The following INSC variants were observed in gnomAD, a reference collection of about 807,000 sequenced individuals.
The protein encoded by INSC is protein inscuteable homolog.
Under a neutral mutation model 58.6 loss-of-function variants are expected in INSC, and 67 were observed. The ratio of observed to expected loss-of-function variants is 1.14; its 90% confidence interval spans 0.94 to 1.40. The LOEUF (loss-of-function observed/expected upper bound fraction) is 1.40, where lower values mean the gene tolerates loss of function less well. INSC is among the 40% of genes most tolerant of loss of function. The pLI, the probability that INSC is intolerant of heterozygous loss-of-function variation, is 0.00. For synonymous variants in INSC, 262 were observed against 276.1 expected, an observed-to-expected ratio of 0.95 and a Z score of 0.51; for missense variants, 714 against 692.0, an observed-to-expected ratio of 1.03 and a Z score of -0.36.
At chr11:15,230,910 A>G (rs1395274966) in intron 9 of INSC, among the ~76,000 whole-genome samples, 2 of 152,108 alleles carry the variant, frequency 1.3e-5, no homozygotes, top group Admixed American at 1.3e-4. Flanking sequence ...TTTAGTAGTA[A>G]GGGAAAGCTG....
intron 7 of INSC, among the ~76,000 whole-genome samples, chr11:15,211,490 T>A (rs115508043): frequency 0.013 from 1,980 of 152,338 alleles, 52 homozygotes; most frequent in African/African-American, 0.046. Flanking sequence ...GTAGGTTTTT[T>A]TATTCTCTTA....
In INSC at chr11:15,246,734, TG is replaced by T. The variant is rs1852578631; in HGVS notation, c.*696del. On this transcript the variant is annotated 3_prime_UTR_variant, in exon 13 of 13. Coordinates refer to ENST00000379556, the MANE Select transcript of INSC (RefSeq NM_001042536.3). ...AAGGCACCAGAAACCCTGCTTCCTT[TG>T]GCTTCTTTGCTTTTGTGTAACCTCC... 6.6e-6 allele frequency: 1 copy of T among 152,278 alleles called. No homozygotes were observed. The highest frequency in any genetic ancestry group is 2.4e-5 in the African/African-American group (1 of 41,460). The allele number at this position is 152,278 out of a possible 1,614,324, so 9.4% of individuals were successfully genotyped here.
At chr11:15,198,841 C>T (rs1850470405) in intron 6 of INSC, among the ~76,000 whole-genome samples, 1 of 151,818 alleles carries the variant, frequency 6.6e-6, no homozygotes, top group African/African-American at 2.4e-5. Context: ...AGCAGATGTC[C>T]CAGGAACTAT....
intron 5 of INSC, among the ~76,000 whole-genome samples, chr11:15,180,189 C>T (rs898911249): frequency 3.3e-5 from 5 of 151,998 alleles, no homozygotes; most frequent in African/African-American, 9.7e-5. Context: ...ACCTGGGAGG[C>T]GGAGCTTGCA....
chr11:15,155,001 T>A (rs190032077), intron 2 of INSC, among the ~76,000 whole-genome samples: 25 of 152,320 alleles, frequency 1.6e-4, no homozygotes, highest in Admixed American at 2.6e-4. Context: ...CTGTTCAGGT[T>A]TTATAGAAGC....
the INSC span, among the ~76,000 whole-genome samples, chr11:15,259,254 A>G: frequency 6.6e-6 from 1 of 152,196 alleles, no homozygotes; most frequent in African/African-American, 2.4e-5. Flanking sequence ...TCTAGCAGTC[A>G]TTAGATTTTG....
intron 2 of INSC, among the ~76,000 whole-genome samples, chr11:15,158,443 A>G (rs12269858): frequency 0.17 from 26,358 of 151,726 alleles, 2,438 homozygotes; most frequent in African/African-American, 0.24. Context: ...TGTCTCCCCT[A>G]TGTGGAAGTC....
chr11:15,114,464 G>A (rs1008945915), upstream of INSC, among the ~76,000 whole-genome samples: 2 of 152,210 alleles, frequency 1.3e-5, no homozygotes, highest in Non-Finnish European at 2.9e-5. Context: ...TTCCTAGCAA[G>A]TGAACTGCAC....
intron 2 of INSC, among the ~76,000 whole-genome samples, chr11:15,150,124 G>A (rs563842667): frequency 2.0e-5 from 3 of 152,272 alleles, no homozygotes; most frequent in South Asian, 2.1e-4. Flanking sequence ...CCTTTAATAC[G>A]TTCAAAGCCT....
chr11:15,238,531 A>C (rs1315795675), intron 10 of INSC, among the ~76,000 whole-genome samples: 1 of 152,158 alleles, frequency 6.6e-6, no homozygotes, highest in Non-Finnish European at 1.5e-5. Context: ...ACCATGTGAC[A>C]CTGGGCAAGA....
At chr11:15,222,663 G>T (rs1239926162) in intron 8 of INSC, among the ~76,000 whole-genome samples, 1 of 152,132 alleles carries the variant, frequency 6.6e-6, no homozygotes, top group Admixed American at 6.5e-5. Flanking sequence ...ATTGCAACTC[G>T]TTTCTCTCAA....
intron 7 of INSC, among the ~76,000 whole-genome samples, chr11:15,215,505 C>G (rs1256560782): frequency 6.6e-6 from 1 of 152,192 alleles, no homozygotes; most frequent in Admixed American, 6.5e-5. Context: ...ATGAGGGAGG[C>G]ATGGGACAAC....
At chr11:15,133,094 A>C (rs958208810) in intron 1 of INSC, among the ~76,000 whole-genome samples, 7 of 152,096 alleles carry the variant, frequency 4.6e-5, no homozygotes, top group African/African-American at 1.7e-4. Context: ...GAATATCACC[A>C]TTTCCCCCAT....
chr11:15,171,619 A>T (rs1265894488), intron 2 of INSC, among the ~76,000 whole-genome samples: 1 of 152,114 alleles, frequency 6.6e-6, no homozygotes, highest in Non-Finnish European at 1.5e-5. Flanking sequence ...GGAAAGGGGG[A>T]GTTCTCTTCT....
chr11:15,188,430 C>T (rs1386463475), intron 5 of INSC: 1 of 817,824 alleles, frequency 1.2e-6, no homozygotes, highest in Non-Finnish European at 1.5e-6. Flanking sequence ...CTCCCAAGAC[C>T]ACATAGGTAA....
At chr11:15,164,310 A>G (rs576957717) in intron 2 of INSC, among the ~76,000 whole-genome samples, 1 of 152,284 alleles carries the variant, frequency 6.6e-6, no homozygotes, top group South Asian at 2.1e-4. Context: ...AACCTATTCT[A>G]ACTTTATAGA....
chr11:15,229,577 A>G (rs1041602952), intron 9 of INSC, among the ~76,000 whole-genome samples: 26 of 151,994 alleles, frequency 1.7e-4, no homozygotes, highest in African/African-American at 6.0e-4. Flanking sequence ...TCCCTCCCTC[A>G]TGTCATTATG....
intron 1 of INSC, among the ~76,000 whole-genome samples, chr11:15,134,004 G>T (rs752324721): frequency 1.7e-4 from 21 of 126,622 alleles, no homozygotes; most frequent in Non-Finnish European, 3.0e-4. Context: ...GGCTTGATAT[G>T]CCTCTCTAAA....
intron 12 of INSC, chr11:15,241,722 A>G (rs1433880665): frequency 1.5e-6 from 1 of 648,444 alleles, no homozygotes; most frequent in Non-Finnish European, 2.8e-6. Context: ...CTTTAAATGC[A>G]AAAAAGTAAA....
Sources: gnomAD v4.1 joint callset for allele counts (sites outside exome capture counted in the v4.1 genomes callset) on GRCh38, gnomAD v4.1.1 for gene constraint, MANE v1.5 for transcripts, NCBI Gene and HGNC (gene_info 2026-07-23, HGNC 2026-07-21) for gene names.